Variants in ZNF420 observed in about 807,000 individuals in gnomAD.
ZNF420 encodes ATM and p53-associated KZNF protein.
In ZNF420, 31 loss-of-function variants were observed where a neutral mutation model predicts 44.7. The observed-to-expected ratio is 0.69, with a 90% CI of 0.52 to 0.94. The LOEUF (loss-of-function observed/expected upper bound fraction) is 0.94. ZNF420 is among the 40% of genes least tolerant of loss of function. The pLI, the probability that ZNF420 is intolerant of heterozygous loss-of-function variation, is 0.00. For synonymous variants in ZNF420, 245 were observed against 267.4 expected, an observed-to-expected ratio of 0.92 and a Z score of 0.82; for missense variants, 681 against 827.9, an observed-to-expected ratio of 0.82 and a Z score of 2.18.
At chr19:37,028,417 G>A (rs1967191573) in intron 1 of ZNF420, among the ~76,000 whole-genome samples, 1 of 152,184 alleles carries the variant, frequency 6.6e-6, no homozygotes, top group Non-Finnish European at 1.5e-5. Context: ...ACTGAGGCTT[G>A]AGATTTATGT....
intron 4 of ZNF420, among the ~76,000 whole-genome samples, chr19:37,125,772 G>A (rs1034571459): frequency 1.6e-5 from 2 of 125,600 alleles, no homozygotes; most frequent in African/African-American, 6.2e-5. Flanking sequence ...ATGGCAAGCA[G>A]TCTTGAATCA....
chr19:37,053,646 G>A (rs1462246589), intron 1 of ZNF420, among the ~76,000 whole-genome samples: 1 of 152,164 alleles, frequency 6.6e-6, no homozygotes, highest in Non-Finnish European at 1.5e-5. Context: ...GTTTGCCTGG[G>A]TATCAGCAGT....
chr19:37,015,362 G>C (rs188824934), intron 1 of ZNF420, among the ~76,000 whole-genome samples: 316 of 152,184 alleles, frequency 2.1e-3, no homozygotes, highest in African/African-American at 7.1e-3. Flanking sequence ...CCACCCCGGG[G>C]AGCCACTCTT....
chr19:37,069,748 T>C (rs1299488820), intron 1 of ZNF420, among the ~76,000 whole-genome samples: 1 of 152,094 alleles, frequency 6.6e-6, no homozygotes, highest in African/African-American at 2.4e-5. Flanking sequence ...CATAGAACCA[T>C]TGTAAGTTGG....
At chr19:37,017,148 C>A (rs1470770713) in intron 1 of ZNF420, among the ~76,000 whole-genome samples, 1 of 152,160 alleles carries the variant, frequency 6.6e-6, no homozygotes, top group African/African-American at 2.4e-5. Context: ...GCCATTCTAG[C>A]AAATGATGCA....
chr19:37,063,827 C>T (rs1967921079), intron 1 of ZNF420, among the ~76,000 whole-genome samples: 1 of 152,168 alleles, frequency 6.6e-6, no homozygotes. Context: ...CCATCGATAT[C>T]AGATTCAAGT....
chr19:37,096,103 T>C (rs1043512522), intron 4 of ZNF420: 1 of 152,242 alleles, frequency 6.6e-6, no homozygotes, highest in African/African-American at 2.4e-5. Flanking sequence ...TCTGTTTCAT[T>C]GTTATTCCTT....
chr19:37,093,657 T>A (rs1457775935), intron 4 of ZNF420, among the ~76,000 whole-genome samples: 3 of 152,216 alleles, frequency 2.0e-5, no homozygotes, highest in African/African-American at 7.2e-5. Context: ...ACATGAGATT[T>A]GGAAGGGACA....
At chr19:37,076,723 A>G (rs556595045), upstream of ZNF420, among the ~76,000 whole-genome samples, 12 of 152,158 alleles carry the variant, frequency 7.9e-5, no homozygotes, top group Non-Finnish European at 1.8e-4. Context: ...TTATGGCTGC[A>G]TAGTATTCCA....
intron 1 of ZNF420, among the ~76,000 whole-genome samples, chr19:37,067,814 A>C (rs577704870): frequency 3.3e-5 from 5 of 152,252 alleles, no homozygotes; most frequent in Non-Finnish European, 5.9e-5. Context: ...TAATGTCTCC[A>C]TATGTGTGTG....
chr19:37,010,484 C>T (rs1246845572), intron 1 of ZNF420, among the ~76,000 whole-genome samples: 1 of 152,082 alleles, frequency 6.6e-6, no homozygotes, highest in African/African-American at 2.4e-5. Context: ...CTATGTGTTT[C>T]TGTGCCACTG....
intron 1 of ZNF420, among the ~76,000 whole-genome samples, chr19:37,041,696 G>T (rs1479022936): frequency 6.6e-6 from 1 of 152,142 alleles, no homozygotes; most frequent in Non-Finnish European, 1.5e-5. Flanking sequence ...AGAGGTGCTA[G>T]CTGGTACCAT....
chr19:37,059,890 C>G (rs1317296096), intron 1 of ZNF420, among the ~76,000 whole-genome samples: 1 of 151,700 alleles, frequency 6.6e-6, no homozygotes, highest in East Asian at 1.9e-4. Flanking sequence ...TCTCTCACTT[C>G]CTGTTTCTCT....
intron 4 of ZNF420, among the ~76,000 whole-genome samples, chr19:37,117,730 A>C (rs1215383604): frequency 4.6e-5 from 7 of 152,168 alleles, no homozygotes; most frequent in African/African-American, 1.7e-4. Flanking sequence ...TTGAAATAAA[A>C]ATTATACGTA....
At chr19:37,041,310 CA>C (rs369724759) in intron 1 of ZNF420, among the ~76,000 whole-genome samples, 1,450 of 132,572 alleles carry the variant, frequency 0.011, 6 homozygotes, top group Non-Finnish European at 0.014. Flanking sequence ...AACACTATCT[CA>C]AAAAAAAAAA....
chr19:37,097,697 A>G (rs1969535773), intron 4 of ZNF420, among the ~76,000 whole-genome samples: 1 of 152,102 alleles, frequency 6.6e-6, no homozygotes, highest in Non-Finnish European at 1.5e-5. Flanking sequence ...TAAGTTCTTT[A>G]TGTGGGAAAA....
At position 37,107,939 on chromosome 19, in the gene ZNF420, A is replaced by G. The variant is rs1429558630; in HGVS notation, c.136+16818A>G. On this transcript the variant is annotated intron_variant, in intron 4 of 4. Coordinates refer to ENST00000337995, the MANE Select transcript of ZNF420 (RefSeq NM_144689.5). ...TGTAGACGGCATCTAACCATGTCCCAGTGATGCTCAGACTCATTATAAACT... is the reference window on the plus strand; with the variant it reads ...TGTAGACGGCATCTAACCATGTCCCGGTGATGCTCAGACTCATTATAAACT... Among the ~76,000 whole-genome samples the G allele has an allele frequency of 2.0e-5, 3 of 152,166 alleles. No individual in the cohort carries two copies. The East Asian group carries it at 5.8e-4, about 29-fold the overall frequency.
At chr19:37,021,147 G>C (rs12975706) in intron 1 of ZNF420, among the ~76,000 whole-genome samples, 23,324 of 152,226 alleles carry the variant, frequency 0.15, 1,849 homozygotes, top group Middle Eastern at 0.21. Context: ...AAAAGGTCAA[G>C]AGTGCTTTCC....
At chr19:37,123,771 T>TTG (rs535419705) in intron 4 of ZNF420, among the ~76,000 whole-genome samples, 5 of 151,124 alleles carry the variant, frequency 3.3e-5, no homozygotes, top group African/African-American at 1.2e-4. Context: ...CCCAGCTAAT[T>TTG]TGTGTGTGTG....
Sources: allele counts gnomAD v4.1 joint callset (sites outside exome capture counted in the v4.1 genomes callset), GRCh38; gene constraint gnomAD v4.1.1; transcripts MANE v1.5; gene names NCBI Gene and HGNC (gene_info 2026-07-23, HGNC 2026-07-21).